The following MICOS10 variants were observed in gnomAD, a reference collection of about 807,000 sequenced individuals.
The protein encoded by MICOS10 is mitochondrial contact site and cristae organizing system subunit 10, also known as MICOS complex subunit MIC10.
A neutral mutation model predicts 13.4 loss-of-function variants in MICOS10; 5 were observed. The ratio of observed to expected loss-of-function variants is 0.37; its 90% confidence interval spans 0.20 to 0.78. MICOS10 has a LOEUF of 0.78. MICOS10 is among the 30% of genes least tolerant of loss of function. The pLI, the probability that MICOS10 is intolerant of heterozygous loss-of-function variation, is 0.47. For synonymous variants in MICOS10, 35 were observed against 33.6 expected, an observed-to-expected ratio of 1.04 and a Z score of -0.15; for missense variants, 101 against 94.6, an observed-to-expected ratio of 1.07 and a Z score of -0.28.
At chr1:19,610,599 T>A (rs1364953716) in intron 1 of MICOS10, among the ~76,000 whole-genome samples, 3 of 151,820 alleles carry the variant, frequency 2.0e-5, no homozygotes, top group African/African-American at 7.3e-5. Flanking sequence ...GGAGTCGAAA[T>A]CTAGTGCATT....
intron 1 of MICOS10, among the ~76,000 whole-genome samples, chr1:19,612,144 G>A (rs1005548736): frequency 6.6e-5 from 10 of 150,606 alleles, no homozygotes; most frequent in Non-Finnish European, 1.0e-4. Flanking sequence ...CTGGGTTCAC[G>A]CCATTCTCCT....
At position 19,597,662 on chromosome 1, in the gene MICOS10, G is replaced by A. The variant is rs6687149; in HGVS notation, c.64+553G>A. Reference sequence around the variant, plus strand: ...ACTTAGAGGGGTGATGATCTGGAATGAGAATTGCGCTGGAAAGTAAGAAGT... The same window carrying A: ...ACTTAGAGGGGTGATGATCTGGAATAAGAATTGCGCTGGAAAGTAAGAAGT... On this transcript the variant is annotated intron_variant, in intron 1 of 3. Transcript: ENST00000322753. Among the ~76,000 whole-genome samples, 1,194 of 152,298 alleles carry A rather than the reference G, an allele frequency of 7.8e-3. 14 individuals are homozygous for A. The highest frequency in any genetic ancestry group is 0.027 in the African/African-American group (1,124 of 41,542).
In MICOS10 at chr1:19,629,338, GC is replaced by G. The variant is rs2094931451; in HGVS notation, c.*2941del. The G allele has an allele frequency of 6.6e-6, 1 of 152,222 alleles. No individual in the cohort carries two copies. The highest frequency in any genetic ancestry group is 6.5e-5 in the Admixed American group (1 of 15,282). 9.4% of individuals were successfully genotyped at this position (152,222 alleles called of 1,614,324 possible). A position where few individuals can be genotyped will look rare whatever the true frequency, so the allele number is the denominator to read the frequency against. Reference sequence around the variant, plus strand: ...CAGGATGCTAGGATAAAGCTGTGGCGCCCCAAAAGTGGCCTGCTCTGCCAAC... The same window carrying G: ...CAGGATGCTAGGATAAAGCTGTGGCGCCCAAAAGTGGCCTGCTCTGCCAAC... On this transcript the variant is annotated 3_prime_UTR_variant, in exon 4 of 4. Coordinates refer to ENST00000322753, the MANE Select transcript of MICOS10 (RefSeq NM_001032363.4).
intron 1 of MICOS10, among the ~76,000 whole-genome samples, chr1:19,615,321 G>A (rs1275082205): frequency 1.3e-5 from 2 of 151,978 alleles, no homozygotes; most frequent in Non-Finnish European, 2.9e-5. Flanking sequence ...GTTACTATGT[G>A]CACTGTACTA....
At chr1:19,625,672 T>G (rs565621403) in intron 3 of MICOS10, 8 of 1,267,338 alleles carry the variant, frequency 6.3e-6, no homozygotes, top group Non-Finnish European at 8.2e-6. Context: ...CAAACTGAGT[T>G]GTCAGGGATA....
chr1:19,609,955 A>G (rs997118164), intron 1 of MICOS10, among the ~76,000 whole-genome samples: 1 of 152,194 alleles, frequency 6.6e-6, no homozygotes, highest in African/African-American at 2.4e-5. Context: ...CATCCTGGCC[A>G]ACATGGGGAA....
Position 19,628,680 on chromosome 1 carries a change from C to CAAAAAA in MICOS10, c.*2295_*2300dup, listed in dbSNP as rs533840638. 1 of 63,288 alleles carries CAAAAAA rather than the reference C, an allele frequency of 1.6e-5. No homozygotes were observed. The highest frequency in any genetic ancestry group is 3.2e-5 in the Non-Finnish European group (1 of 30,928). The allele number at this position is 63,288 out of a possible 1,614,324, so 3.9% of individuals were successfully genotyped here. ...CCGGCGACAGAGCGAGAATCTGTCT[C>CAAAAAA]AAAAAAAAAAAAAAAAAAAAAGCAT... is the stretch of plus-strand genomic sequence containing the variant. On this transcript the variant is annotated 3_prime_UTR_variant, in exon 4 of 4. Coordinates refer to ENST00000322753, the MANE Select transcript of MICOS10 (RefSeq NM_001032363.4).
At chr1:19,622,206 G>A (rs540739737) in intron 2 of MICOS10, 59 bp downstream of exon 2, 506 of 1,399,554 alleles carry the variant, frequency 3.6e-4, no homozygotes, top group Non-Finnish European at 4.5e-4. Context: ...ACGTAGCAGG[G>A]ACACTTCCAG....
chr1:19,612,222 T>A (rs2094865881), intron 1 of MICOS10, among the ~76,000 whole-genome samples: 1 of 148,860 alleles, frequency 6.7e-6, no homozygotes, highest in Non-Finnish European at 1.5e-5. Flanking sequence ...TTTTTTTTAA[T>A]TTTTTTTTAA....
chr1:19,602,129 A>T (rs1462656275), intron 1 of MICOS10, among the ~76,000 whole-genome samples: 1 of 152,184 alleles, frequency 6.6e-6, no homozygotes, highest in East Asian at 1.9e-4. Flanking sequence ...TGGAATGTAA[A>T]CTTCATAAGA....
intron 1 of MICOS10, among the ~76,000 whole-genome samples, chr1:19,618,833 A>G (rs2094893819): frequency 6.6e-6 from 1 of 152,220 alleles, no homozygotes; most frequent in African/African-American, 2.4e-5. Flanking sequence ...AGCTTCTCAT[A>G]TTTGTGAACT....
At chr1:19,622,920 C>CCTT (rs1553310371) in intron 2 of MICOS10, among the ~76,000 whole-genome samples, 8,630 of 131,752 alleles carry the variant, frequency 0.066, 1,096 homozygotes, top group African/African-American at 0.23. Context: ...TATTTTACTA[C>CCTT]TTTTTTTTTT....
At chr1:19,622,920 CT>C (rs373297142) in intron 2 of MICOS10, among the ~76,000 whole-genome samples, 10,406 of 131,772 alleles carry the variant, frequency 0.079, 260 homozygotes, top group Non-Finnish European at 0.1. Flanking sequence ...TATTTTACTA[CT>C]TTTTTTTTTT....
chr1:19,617,703 A>G (rs1292133804), intron 1 of MICOS10, among the ~76,000 whole-genome samples: 5 of 152,192 alleles, frequency 3.3e-5, no homozygotes, highest in African/African-American at 1.2e-4. Flanking sequence ...TAACACATGC[A>G]TTTGATGATT....
chr1:19,600,908 A>G (rs2094811676), intron 1 of MICOS10: 2 of 1,289,308 alleles, frequency 1.6e-6, no homozygotes, highest in Non-Finnish European at 2.0e-6. Context: ...GTCCATCTTG[A>G]TAATTTCATA....
chr1:19,623,802 C>G, intron 3 of MICOS10: 1 of 426,006 alleles, frequency 2.3e-6, no homozygotes, highest in Non-Finnish European at 4.2e-6. Context: ...CAGATATATA[C>G]TCATGTGCTA....
At position 19,626,737 on chromosome 1, in the gene MICOS10, C is replaced by G. The variant is rs2094923389; in HGVS notation, c.*336C>G. 2 of 268,214 alleles carry G rather than the reference C, an allele frequency of 7.5e-6. No individual in the cohort carries two copies. The highest frequency in any genetic ancestry group is 1.5e-5 in the Non-Finnish European group (2 of 136,052). The allele number at this position is 268,214 out of a possible 1,614,324, so 16.6% of individuals were successfully genotyped here. A position where few individuals can be genotyped will look rare whatever the true frequency, so the allele number is the denominator to read the frequency against. On this transcript the variant is annotated 3_prime_UTR_variant, in exon 4 of 4. Transcript: ENST00000322753. ...ACCTGCTCACAGCCTCTCTGAGAAC[C>G]CCCTGAAACCAGTTGTTGGGTATCC...
At chr1:19,618,290 T>C (rs1223796843) in intron 1 of MICOS10, among the ~76,000 whole-genome samples, 1 of 149,280 alleles carries the variant, frequency 6.7e-6, no homozygotes, top group Non-Finnish European at 1.5e-5. Context: ...TTATTTATTA[T>C]TATTATTATT....
chr1:19,625,771 T>A, intron 3 of MICOS10: 1 of 946,482 alleles, frequency 1.1e-6, no homozygotes. Flanking sequence ...CATTTGTGTG[T>A]CCTGCTCCAA....
Sources: gnomAD v4.1 joint callset for allele counts (sites outside exome capture counted in the v4.1 genomes callset) on GRCh38, gnomAD v4.1.1 for gene constraint, MANE v1.5 for transcripts, NCBI Gene and HGNC (gene_info 2026-07-23, HGNC 2026-07-21) for gene names.